The following XIRP2 variants were observed in gnomAD, a reference collection of about 807,000 sequenced individuals.
The protein encoded by XIRP2 is xin actin-binding repeat-containing protein 2.
XIRP2 carries 236 observed loss-of-function variants against 277.0 expected under a neutral mutation model. The ratio of observed to expected loss-of-function variants is 0.85; its 90% CI spans 0.77 to 0.95. XIRP2 has a LOEUF of 0.95. Among genes scored for constraint, XIRP2 ranks in the 40% least tolerant of loss-of-function variants. The pLI, the probability that XIRP2 is intolerant of heterozygous loss-of-function variation, is 0.00. For missense variants in XIRP2, 4,640 were observed against 4,157.5 expected, an observed-to-expected ratio of 1.12 and a Z score of -3.19; for synonymous variants, 1,490 against 1,416.5, an observed-to-expected ratio of 1.05 and a Z score of -1.17.
rs150342872 is a variant in XIRP2, at chr2:167,147,595, G to A, written c.562+11533G>A. Among the ~76,000 whole-genome samples the A allele has an allele frequency of 2.0e-5, 3 of 152,296 alleles. No individual in the cohort carries two copies. In the East Asian group the frequency reaches 5.8e-4, roughly 29 times the overall value. The stretch of plus-strand genomic sequence containing the variant: ...GACAAGGCTAGAATGAGCTTCCCTG[G>A]TTGGTAATACTTCATGCATTTTGTC... On this transcript the variant is annotated intron_variant, in intron 3 of 10. Transcript: ENST00000409195.
intron 5 of XIRP2, among the ~76,000 whole-genome samples, chr2:167,230,834 C>T (rs560870239): frequency 6.6e-5 from 10 of 152,140 alleles, no homozygotes; most frequent in African/African-American, 2.4e-4. Flanking sequence ...TCAGTGCTCC[C>T]TCAGCCTCTG....
chr2:167,251,389 A>G lies in XIRP2; in HGVS notation c.9997A>G (p.Ile3333Val). The part of the protein sequence containing the change: ...ENFVNDPENE[I>V]NRWFREFEHG... ...TTTCGTGAATGACCCTGAAAATGAA[A>G]TAAACAGATGGTTCAGGGAATTTGA... is the stretch of plus-strand genomic sequence containing the variant. Residue 3333 changes from isoleucine (I) to valine (V), a missense_variant, in exon 9 of 11, where the codon ATA (isoleucine) becomes GTA (valine). Coordinates refer to ENST00000409195, the MANE Select transcript of XIRP2 (RefSeq NM_152381.6). 6.2e-7 allele frequency: 1 copy of G among 1,613,666 alleles called. No homozygotes were observed. Among genetic ancestry groups the G allele is most frequent in the Non-Finnish European group, 8.5e-7 (1 of 1,179,692 alleles).
chr2:166,942,368 G>A (rs555266239), intron 2 of XIRP2, among the ~76,000 whole-genome samples: 1 of 152,224 alleles, frequency 6.6e-6, no homozygotes, highest in East Asian at 1.9e-4. Flanking sequence ...GCTTTCATAG[G>A]TATTACTTCT....
chr2:166,942,797 A>C (rs1162496919), intron 2 of XIRP2, among the ~76,000 whole-genome samples: 1 of 152,182 alleles, frequency 6.6e-6, no homozygotes, highest in South Asian at 2.1e-4. Flanking sequence ...ACAAAATAAA[A>C]GCCTTGAAGA....
At chr2:166,922,634 T>C (rs950900734) in intron 2 of XIRP2, among the ~76,000 whole-genome samples, 2 of 151,888 alleles carry the variant, frequency 1.3e-5, no homozygotes, top group African/African-American at 4.8e-5. Context: ...AAATAATATA[T>C]ACTGCTGCAT....
rs563970322 is a variant in XIRP2, at chr2:167,212,382, C to A, written c.723+1487C>A. Among the ~76,000 whole-genome samples, 12 of 152,152 alleles carry A rather than the reference C, an allele frequency of 7.9e-5. No homozygotes were observed. In the South Asian group the frequency reaches 2.3e-3, roughly 29 times the overall value. ...ATTTGATTTAGGAAGATTGACCTTG[C>A]CAGGTACTAAGAGAATACACATTAA... On this transcript the variant is annotated intron_variant, in intron 4 of 10. Transcript: ENST00000409195.
intron 5 of XIRP2, among the ~76,000 whole-genome samples, chr2:167,239,479 A>T (rs1464704355): frequency 1.3e-5 from 2 of 152,234 alleles, no homozygotes; most frequent in East Asian, 3.9e-4. Flanking sequence ...AGTGTCAGTT[A>T]GATGGCAGTG....
intron 2 of XIRP2, among the ~76,000 whole-genome samples, chr2:167,013,438 G>C (rs1448721060): frequency 6.6e-6 from 1 of 151,380 alleles, no homozygotes; most frequent in Non-Finnish European, 1.5e-5. Flanking sequence ...TGCAGATTCT[G>C]ACTCATTAGT....
At chr2:167,080,124 G>A (rs1689690264) in intron 2 of XIRP2, among the ~76,000 whole-genome samples, 1 of 152,114 alleles carries the variant, frequency 6.6e-6, no homozygotes, top group South Asian at 2.1e-4. Flanking sequence ...GGAAGCTTGG[G>A]CAAAAGTTGT....
At position 167,249,740 on chromosome 2, in the gene XIRP2, A is replaced by G. The variant is rs757574520; in HGVS notation, c.8348A>G (p.Gln2783Arg). The G allele has an allele frequency of 2.5e-6, 4 of 1,613,256 alleles. No homozygotes were observed. The African/African-American group carries it at 4.0e-5, about 16-fold the overall frequency. ...AAGAAGGAGAAAAGAGTGACAGTAC[A>G]ATTGCCTACAGAATCCATACAGAAG... ...LPKKEKRVTV[Q>R]LPTESIQKNQ... The change falls in exon 9 of 11, where the codon CAA becomes CGA. Residue 2783 changes from glutamine (Q) to arginine (R), a missense_variant. Gln to Arg is a conservative substitution (Grantham distance 43). Transcript: ENST00000409195.
intron 2 of XIRP2, among the ~76,000 whole-genome samples, chr2:167,122,582 C>T (rs1357727899): frequency 1.3e-5 from 2 of 152,122 alleles, no homozygotes; most frequent in African/African-American, 4.8e-5. Context: ...AGGATACTGT[C>T]TCTAGATAGT....
rs554454586 is a variant in XIRP2 at position 166,956,658 on chromosome 2, A to G, written c.408+52768A>G. 3.3e-4 allele frequency among the ~76,000 whole-genome samples: 50 copies of G among 151,970 alleles called. No homozygotes were observed. In the South Asian group the frequency reaches 3.3e-3, roughly 10 times the overall value. On this transcript the variant is annotated intron_variant, in intron 2 of 10. Coordinates refer to ENST00000409195, the MANE Select transcript of XIRP2 (RefSeq NM_152381.6). ...CCCATAGTCTTCATTTCAGTTAATC[A>G]TCTTAACCACGTAGCTTTGATTCTC...
intron 3 of XIRP2, among the ~76,000 whole-genome samples, chr2:167,161,840 T>C (rs73019972): frequency 0.099 from 15,052 of 152,266 alleles, 798 homozygotes; most frequent in South Asian, 0.15. Flanking sequence ...TATCGCATTG[T>C]CAAGATGCAA....
At position 166,949,005 on chromosome 2, in the gene XIRP2, GT is replaced by G. The variant is rs891254797; in HGVS notation, c.408+45123del. On this transcript the variant is annotated intron_variant, in intron 2 of 10. Coordinates refer to ENST00000409195, the MANE Select transcript of XIRP2 (RefSeq NM_152381.6). ...CCTACAAATCACATCTCATCAGGGT[GT>G]TTTTTTTCTCTCTAAATGTTAACCT... Among the ~76,000 whole-genome samples, 5 of 151,444 alleles carry G rather than the reference GT, an allele frequency of 3.3e-5. No individual in the cohort carries two copies. The East Asian group carries it at 5.8e-4, about 18-fold the overall frequency.
At chr2:167,219,779 T>C (rs1457069244) in intron 5 of XIRP2, among the ~76,000 whole-genome samples, 1 of 152,170 alleles carries the variant, frequency 6.6e-6, no homozygotes, top group East Asian at 1.9e-4. Flanking sequence ...TTCTGATGAG[T>C]AGGATGGAAA....
Position 167,258,952 on chromosome 2 carries a change from C to T in XIRP2, c.*1135C>T. 6.2e-7 allele frequency: 1 copy of T among 1,612,924 alleles called. No homozygotes were observed. Among genetic ancestry groups the T allele is most frequent in the Non-Finnish European group, 8.5e-7 (1 of 1,179,530 alleles). ...AGCCTGCTCCAAAACCAAGCCTCAGCAGAGGCCTTATGGTAAAGGGGGGAA... is the reference window on the plus strand; with the variant it reads ...AGCCTGCTCCAAAACCAAGCCTCAGTAGAGGCCTTATGGTAAAGGGGGGAA... On this transcript the variant is annotated 3_prime_UTR_variant, in exon 11 of 11. Transcript: ENST00000409195.
chr2:167,242,150 TA>T (rs1695091166), intron 8 of XIRP2, among the ~76,000 whole-genome samples: 2 of 152,122 alleles, frequency 1.3e-5, no homozygotes, highest in South Asian at 4.1e-4. Flanking sequence ...GTCTAATAAT[TA>T]ACATTAAAGT....
intron 2 of XIRP2, among the ~76,000 whole-genome samples, chr2:167,090,685 G>A (rs1006825552): frequency 1.3e-5 from 2 of 152,162 alleles, no homozygotes; most frequent in Non-Finnish European, 2.9e-5. Flanking sequence ...TGGTGGAGAA[G>A]GTCAAAGGGA....
At position 167,242,897 on chromosome 2, in the gene XIRP2, A is replaced by G. The variant is rs1695118883; in HGVS notation, c.1505A>G (p.Tyr502Cys). Residue 502 changes from tyrosine (Y) to cysteine (C), a missense_variant, in exon 9 of 11, where the codon TAT (tyrosine) becomes TGT (cysteine). Coordinates refer to ENST00000409195, the MANE Select transcript of XIRP2 (RefSeq NM_152381.6). ...AATTTGTATGAATTAAACCGTTTAT[A>G]TAAACACATCCATCCTGAGTTAAGA... is the stretch of plus-strand genomic sequence containing the variant. ...QRNLYELNRL[Y>C]KHIHPELRKN... 5.6e-6 allele frequency: 9 copies of G among 1,614,010 alleles called. No homozygotes were observed. The East Asian group carries it at 1.8e-4, about 32-fold the overall frequency.
Sources: gnomAD v4.1 joint callset for allele counts (sites outside exome capture counted in the v4.1 genomes callset) on GRCh38, gnomAD v4.1.1 for gene constraint, MANE v1.5 for transcripts, NCBI Gene and HGNC (gene_info 2026-07-23, HGNC 2026-07-21) for gene names.